The following PPP4R1 variants were observed in gnomAD, a reference collection of about 807,000 sequenced individuals.
The protein encoded by PPP4R1 is serine/threonine-protein phosphatase 4 regulatory subunit 1.
PPP4R1 carries 42 observed loss-of-function variants against 111.2 expected under a neutral mutation model. The ratio of observed to expected loss-of-function variants is 0.38; its 90% CI spans 0.29 to 0.49. The LOEUF (loss-of-function observed/expected upper bound fraction) is 0.49, where lower values mean the gene tolerates loss of function less well. Among genes scored for constraint, PPP4R1 ranks in the 20% least tolerant of loss-of-function variants. The probability of loss-of-function intolerance (pLI) is 0.97; values close to 1 mark genes in which losing one functional copy is unlikely to be tolerated. For synonymous variants in PPP4R1, 409 were observed against 405.5 expected, an observed-to-expected ratio of 1.01 and a Z score of -0.10; for missense variants, 1,012 against 1,161.6, an observed-to-expected ratio of 0.87 and a Z score of 1.87.
intron 15 of PPP4R1, among the ~76,000 whole-genome samples, chr18:9,554,062 AATT>A (rs1477466678): frequency 6.6e-6 from 1 of 152,132 alleles, no homozygotes; most frequent in Non-Finnish European, 1.5e-5. Flanking sequence ...TTGATGTGGG[AATT>A]ATTATTGGTG....
At chr18:9,575,402 A>G (rs1431776581) in intron 10 of PPP4R1, among the ~76,000 whole-genome samples, 1 of 152,238 alleles carries the variant, frequency 6.6e-6, no homozygotes, top group Non-Finnish European at 1.5e-5. Context: ...CTGAGATTTA[A>G]TAATATATAG....
chr18:9,597,309 T>C (rs563038227), intron 2 of PPP4R1, among the ~76,000 whole-genome samples: 2 of 152,236 alleles, frequency 1.3e-5, no homozygotes, highest in African/African-American at 2.4e-5. Context: ...GGTCCAAATA[T>C]AATCCCAGCA....
intron 13 of PPP4R1, 70 bp downstream of exon 13, chr18:9,561,910 G>T: frequency 7.9e-7 from 1 of 1,273,210 alleles, no homozygotes; most frequent in Non-Finnish European, 1.1e-6. Context: ...GGGCAAATTA[G>T]GTCAGAAATG....
At chr18:9,597,837 T>C (rs2067314467) in intron 2 of PPP4R1, among the ~76,000 whole-genome samples, 2 of 151,686 alleles carry the variant, frequency 1.3e-5, no homozygotes, top group South Asian at 4.2e-4. Flanking sequence ...GGCAGGAAAA[T>C]ACAAACCATG....
At chr18:9,549,174 C>CTTCTAGTGGAGTCACTACCTACCTT (rs1165755729) in intron 19 of PPP4R1, 23 bp downstream of exon 19, 1 of 1,604,192 alleles carries the variant, frequency 6.2e-7, no homozygotes, top group Non-Finnish European at 8.5e-7. Flanking sequence ...TCACACGCTT[C>CTTCTAGTGGAGTCACTACCTACCTT]TTCTAGTGGA....
At chr18:9,588,283 A>G in intron 5 of PPP4R1, 48 bp from the exon 6 acceptor site, 2 of 1,554,088 alleles carry the variant, frequency 1.3e-6, no homozygotes, top group Non-Finnish European at 1.8e-6. Flanking sequence ...CAACATGACA[A>G]AATTCTATCA....
intron 18 of PPP4R1, among the ~76,000 whole-genome samples, chr18:9,549,549 T>C (rs1006950521): frequency 6.6e-6 from 1 of 152,220 alleles, no homozygotes; most frequent in Non-Finnish European, 1.5e-5. Flanking sequence ...TACGGAGACC[T>C]AGAGTGTTCA....
At chr18:9,578,740 A>C (rs1286944131) in intron 9 of PPP4R1, among the ~76,000 whole-genome samples, 1 of 152,218 alleles carries the variant, frequency 6.6e-6, no homozygotes, top group Non-Finnish European at 1.5e-5. Context: ...TATATGCATG[A>C]GAGGGAAAAG....
chr18:9,584,919 C>A, intron 6 of PPP4R1, 91 bp from the exon 7 acceptor site: 1 of 1,059,416 alleles, frequency 9.4e-7, no homozygotes, highest in South Asian at 1.6e-5. Flanking sequence ...TTTGAGGAAA[C>A]ATAAAATATG....
At chr18:9,593,997 G>T in intron 3 of PPP4R1, 123 bp from the exon 4 acceptor site, 2 of 712,972 alleles carry the variant, frequency 2.8e-6, no homozygotes, top group Non-Finnish European at 4.8e-6. Context: ...GTGTGATCAC[G>T]GCTAACTGCA....
chr18:9,580,719 C>A (rs1313868403), intron 9 of PPP4R1, among the ~76,000 whole-genome samples: 1 of 152,176 alleles, frequency 6.6e-6, no homozygotes, highest in Admixed American at 6.5e-5. Context: ...GCCAAGCACA[C>A]TGGGGTCTGC....
At position 9,547,043 on chromosome 18, in the gene PPP4R1, A is replaced by C. The variant is rs759598561; in HGVS notation, c.*746T>G. 4.6e-5 allele frequency: 7 copies of C among 152,670 alleles called. No homozygotes were observed. The highest frequency in any genetic ancestry group is 1.3e-4 in the Admixed American group (2 of 15,282). 9.5% of individuals were successfully genotyped at this position (152,670 alleles called of 1,614,324 possible). A position where few individuals can be genotyped will look rare whatever the true frequency, so the allele number is the denominator to read the frequency against. On this transcript the variant is annotated 3_prime_UTR_variant, in exon 20 of 20. Coordinates refer to ENST00000400556, the MANE Select transcript of PPP4R1 (RefSeq NM_001042388.3). The stretch of plus-strand genomic sequence containing the variant: ...ACAGTATGTGAAGAAGTTGCACCTC[A>C]GAGCTGATCATGATCAAGTTAAAAA...
intron 15 of PPP4R1, chr18:9,556,951 G>A (rs1480579437): frequency 7.5e-6 from 2 of 265,554 alleles, no homozygotes; most frequent in East Asian, 1.0e-4. Context: ...GATGACTGCA[G>A]CTAATGATTT....
rs754449499 is a variant in PPP4R1, at chr18:9,588,252, A to G, written c.439-17T>C. 4 of 1,609,550 alleles carry G rather than the reference A, an allele frequency of 2.5e-6. No homozygotes were observed. The African/African-American group carries it at 5.4e-5, about 22-fold the overall frequency. ...TTTCCTCACCTAGGAGAAAAATAACAACACAAAGAAAGTACATATGCAACA... is the reference window on the plus strand; with the variant it reads ...TTTCCTCACCTAGGAGAAAAATAACGACACAAAGAAAGTACATATGCAACA... On this transcript the variant is annotated splice_polypyrimidine_tract_variant and intron_variant, in intron 5 of 19. Coordinates refer to ENST00000400556, the MANE Select transcript of PPP4R1 (RefSeq NM_001042388.3).
upstream of PPP4R1, chr18:9,614,654 G>T (rs2067660637): frequency 1.2e-5 from 2 of 169,634 alleles, no homozygotes; most frequent in African/African-American, 2.5e-5. The surrounding 1 kb of genome is among the most constrained non-coding windows in gnomAD (Gnocchi z 4.1). Flanking sequence ...GCCGCGGGCG[G>T]CGCGGCTCCC....
At chr18:9,614,831 C>G (rs1409408635), upstream of PPP4R1, 1 of 149,732 alleles carries the variant, frequency 6.7e-6, no homozygotes, top group African/African-American at 2.4e-5. The surrounding 1 kb of genome is among the most constrained non-coding windows in gnomAD (Gnocchi z 4.1). Context: ...CCGAGCGCTG[C>G]GGACGGGGGC....
intron 4 of PPP4R1, among the ~76,000 whole-genome samples, chr18:9,592,613 GACATTT>G (rs2067230371): frequency 6.7e-6 from 1 of 149,698 alleles, no homozygotes; most frequent in Non-Finnish European, 1.5e-5. Context: ...TGTCAATAGA[GACATTT>G]ACTATGAATT....
chr18:9,612,458 T>C (rs1230036711), intron 2 of PPP4R1: 1 of 152,310 alleles, frequency 6.6e-6, no homozygotes, highest in Non-Finnish European at 1.5e-5. Flanking sequence ...CCCCAGTACC[T>C]GGCAGAGTGT....
intron 9 of PPP4R1, among the ~76,000 whole-genome samples, chr18:9,580,507 AC>A (rs570526027): frequency 1.4e-3 from 218 of 151,876 alleles, no homozygotes; most frequent in African/African-American, 5.1e-3. Context: ...CCGCCACCAC[AC>A]CCGGCTAATT....
Sources: allele counts gnomAD v4.1 joint callset (sites outside exome capture counted in the v4.1 genomes callset), GRCh38; gene constraint gnomAD v4.1.1; non-coding constraint Gnocchi (gnomAD v3.1); transcripts MANE v1.5; gene names NCBI Gene and HGNC (gene_info 2026-07-23, HGNC 2026-07-21).